Variants in CMC1 observed in about 807,000 individuals in gnomAD.
CMC1 encodes C-X9-C motif containing 1.
CMC1 carries 14 observed loss-of-function variants against 14.1 expected under a neutral mutation model. That is an observed-to-expected ratio of 0.99 (90% CI 0.66 to 1.55). CMC1 has a LOEUF of 1.55. Among genes scored for constraint, CMC1 ranks in the 40% most tolerant of loss-of-function variants. The pLI is 0.00. For synonymous variants in CMC1, 50 were observed against 38.4 expected, an observed-to-expected ratio of 1.30 and a Z score of -1.12; for missense variants, 127 against 123.8, an observed-to-expected ratio of 1.03 and a Z score of -0.12.
At chr3:28,253,243 T>G (rs1423958570) in intron 1 of CMC1, among the ~76,000 whole-genome samples, 1 of 152,204 alleles carries the variant, frequency 6.6e-6, no homozygotes, top group Admixed American at 6.5e-5. Context: ...TCATGCCTTC[T>G]TCCCGGGGCT....
chr3:28,243,531 C>T (rs1297187888), intron 1 of CMC1, among the ~76,000 whole-genome samples: 2 of 152,208 alleles, frequency 1.3e-5, no homozygotes, highest in South Asian at 2.1e-4. Flanking sequence ...CTTCCAGTTA[C>T]TCATAAGCCA....
chr3:28,254,816 G>A (rs1031863020), intron 1 of CMC1, among the ~76,000 whole-genome samples: 1 of 152,130 alleles, frequency 6.6e-6, no homozygotes, highest in African/African-American at 2.4e-5. Flanking sequence ...AAAAAATTTT[G>A]TAATTTTGTA....
intron 2 of CMC1, among the ~76,000 whole-genome samples, chr3:28,265,321 A>C (rs1699948435): frequency 6.6e-6 from 1 of 152,148 alleles, no homozygotes; most frequent in South Asian, 2.1e-4. Flanking sequence ...AGAAGTCTTT[A>C]GTATTTTCTA....
intron 2 of CMC1, among the ~76,000 whole-genome samples, chr3:28,301,816 A>T (rs1430304399): frequency 6.6e-6 from 1 of 152,064 alleles, no homozygotes; most frequent in Non-Finnish European, 1.5e-5. Flanking sequence ...AAAAATATGA[A>T]TGTTATTTCC....
At chr3:28,306,280 A>T (rs909292435) in intron 2 of CMC1, among the ~76,000 whole-genome samples, 17 of 152,146 alleles carry the variant, frequency 1.1e-4, no homozygotes, top group African/African-American at 3.6e-4. Context: ...TTTGTGCATT[A>T]TGGGCATTTT....
chr3:28,271,753 T>C (rs574192399), intron 2 of CMC1, among the ~76,000 whole-genome samples: 3 of 152,182 alleles, frequency 2.0e-5, no homozygotes, highest in Non-Finnish European at 2.9e-5. Flanking sequence ...AATTCCGAAT[T>C]CTAGTGGATG....
chr3:28,275,083 C>T lies in CMC1; in HGVS notation c.109+11703C>T, dbSNP rs180734530. Among the ~76,000 whole-genome samples, 212 of 152,260 alleles carry T rather than the reference C, an allele frequency of 1.4e-3. 1 individual carries two copies. The highest frequency in any genetic ancestry group is 4.9e-3 in the African/African-American group (205 of 41,556). ...TTTGTTATTGCCCATCTTCTGAAGCCTACTTCTGTCAGTTCATCCATTTCA... is the reference window on the plus strand; with the variant it reads ...TTTGTTATTGCCCATCTTCTGAAGCTTACTTCTGTCAGTTCATCCATTTCA... On this transcript the variant is annotated intron_variant, in intron 2 of 3. Transcript: ENST00000466830.
intron 3 of CMC1, chr3:28,318,608 A>G (rs897582578): frequency 6.9e-6 from 1 of 144,254 alleles, no homozygotes; most frequent in East Asian, 1.9e-4. Flanking sequence ...CTCGTCCTAC[A>G]ACGTGTCTTT....
At chr3:28,241,854 C>G in intron 1 of CMC1, 42 bp downstream of exon 1, 2 of 1,235,252 alleles carry the variant, frequency 1.6e-6, no homozygotes, top group African/African-American at 1.5e-5. Context: ...GGCCTCGCCC[C>G]GGGTCTCACG....
chr3:28,274,303 C>T (rs1700468966), intron 2 of CMC1, among the ~76,000 whole-genome samples: 1 of 144,450 alleles, frequency 6.9e-6, no homozygotes, highest in Non-Finnish European at 1.5e-5. Context: ...GCAAGGCAGG[C>T]CTGGTGGTGA....
intron 2 of CMC1, among the ~76,000 whole-genome samples, chr3:28,302,938 A>G (rs1427014043): frequency 6.6e-6 from 1 of 152,190 alleles, no homozygotes; most frequent in Non-Finnish European, 1.5e-5. Flanking sequence ...CTGGAAAGGA[A>G]TAAGTGAGAT....
At chr3:28,261,384 T>C (rs1259838128) in intron 1 of CMC1, among the ~76,000 whole-genome samples, 1 of 152,182 alleles carries the variant, frequency 6.6e-6, no homozygotes, top group East Asian at 1.9e-4. Context: ...CGAATGGTGT[T>C]GCATGGCTCC....
chr3:28,275,411 T>C (rs1700530698), intron 2 of CMC1, among the ~76,000 whole-genome samples: 1 of 147,648 alleles, frequency 6.8e-6, no homozygotes, highest in Admixed American at 6.8e-5. Context: ...CTTCAGACCC[T>C]ATTTACCTGT....
At chr3:28,308,879 A>G (rs1231865062) in intron 2 of CMC1, among the ~76,000 whole-genome samples, 1 of 152,018 alleles carries the variant, frequency 6.6e-6, no homozygotes, top group Non-Finnish European at 1.5e-5. Flanking sequence ...GCTACTCGGG[A>G]GGCTGAGGCA....
In CMC1 at chr3:28,316,440, G is replaced by A. The variant is rs1702925427; in HGVS notation, c.200+17G>A. On this transcript the variant is annotated intron_variant, in intron 3 of 3. Coordinates refer to ENST00000466830, the MANE Select transcript of CMC1 (RefSeq NM_182523.2). ...AACTGCTTAGTAAGTAGTTGTCTCAGCGTTTGTGCTTGTATGTGTATTTGT... is the reference window on the plus strand; with the variant it reads ...AACTGCTTAGTAAGTAGTTGTCTCAACGTTTGTGCTTGTATGTGTATTTGT... 1.1e-5 allele frequency: 16 copies of A among 1,457,778 alleles called. No individual in the cohort carries two copies. Among genetic ancestry groups the A allele is most frequent in the African/African-American group, 1.4e-5 (1 of 70,508 alleles). The allele number at this position is 1,457,778 out of a possible 1,614,324, so 90.3% of individuals were successfully genotyped here.
chr3:28,285,417 A>C (rs1701121220), intron 2 of CMC1, among the ~76,000 whole-genome samples: 1 of 152,234 alleles, frequency 6.6e-6, no homozygotes, highest in Non-Finnish European at 1.5e-5. Context: ...TTAAAAAAAA[A>C]ACACATGACT....
chr3:28,275,677 C>A (rs376919056), intron 2 of CMC1, among the ~76,000 whole-genome samples: 1 of 152,098 alleles, frequency 6.6e-6, no homozygotes, highest in Non-Finnish European at 1.5e-5. Flanking sequence ...GAATCCTACT[C>A]GTCTGGACTG....
intron 2 of CMC1, among the ~76,000 whole-genome samples, chr3:28,304,951 A>G (rs1293209908): frequency 6.6e-6 from 1 of 152,002 alleles, no homozygotes; most frequent in African/African-American, 2.4e-5. Flanking sequence ...TTTTTACTTT[A>G]GATTTGAGGG....
At chr3:28,280,687 A>T (rs1186663997) in intron 2 of CMC1, among the ~76,000 whole-genome samples, 4 of 152,260 alleles carry the variant, frequency 2.6e-5, no homozygotes, top group Admixed American at 2.6e-4. Flanking sequence ...TGTTCAACAT[A>T]GCATCATATA....
Sources: allele counts gnomAD v4.1 joint callset (sites outside exome capture counted in the v4.1 genomes callset), GRCh38; gene constraint gnomAD v4.1.1; transcripts MANE v1.5; gene names NCBI Gene and HGNC (gene_info 2026-07-23, HGNC 2026-07-21).